DYNC1I1: variants seen among roughly 807,000 people sequenced by gnomAD.
DYNC1I1 encodes dynein cytoplasmic 1 intermediate chain 1, also known as cytoplasmic dynein 1 intermediate chain 1.
A neutral mutation model predicts 86.6 loss-of-function variants in DYNC1I1; 43 were observed. The observed-to-expected ratio is 0.50, with a 90% CI of 0.39 to 0.64. DYNC1I1 has a LOEUF of 0.64. Ranked by LOEUF, DYNC1I1 falls within the 30% of genes least tolerant of loss-of-function variation. The pLI, the probability that DYNC1I1 is intolerant of heterozygous loss-of-function variation, is 0.00. For missense variants in DYNC1I1, 604 were observed against 788.8 expected, an observed-to-expected ratio of 0.77 and a Z score of 2.81; for synonymous variants, 262 against 283.7, an observed-to-expected ratio of 0.92 and a Z score of 0.77.
intron 10 of DYNC1I1, among the ~76,000 whole-genome samples, chr7:96,027,231 T>C (rs1163665489): frequency 2.0e-5 from 3 of 152,228 alleles, no homozygotes; most frequent in African/African-American, 7.2e-5. Context: ...GCCTTCCTTA[T>C]ACATGGTAAG....
At chr7:95,841,535 G>A (rs1789282038) in intron 5 of DYNC1I1, among the ~76,000 whole-genome samples, 1 of 152,058 alleles carries the variant, frequency 6.6e-6, no homozygotes, top group African/African-American at 2.4e-5. Flanking sequence ...CGAATATTGG[G>A]CCCTATCAGC....
intron 6 of DYNC1I1, among the ~76,000 whole-genome samples, chr7:95,964,678 A>G (rs1792962461): frequency 6.6e-6 from 1 of 152,220 alleles, no homozygotes; most frequent in Non-Finnish European, 1.5e-5. Context: ...AAGGTCAGAT[A>G]GTAGTCAGTA....
chr7:95,805,965 CT>C (rs1176077362), intron 2 of DYNC1I1, among the ~76,000 whole-genome samples: 13 of 152,112 alleles, frequency 8.5e-5, no homozygotes, highest in African/African-American at 3.1e-4. Context: ...GCATTTTAGC[CT>C]TCTGGCATCT....
chr7:95,837,806 A>C (rs1370622417), intron 5 of DYNC1I1, among the ~76,000 whole-genome samples: 1 of 152,260 alleles, frequency 6.6e-6, no homozygotes, highest in Admixed American at 6.5e-5. Flanking sequence ...CCAGTGAGGC[A>C]ATGCCTCACC....
intron 1 of DYNC1I1, among the ~76,000 whole-genome samples, chr7:95,788,524 C>T (rs970896602): frequency 2.4e-4 from 37 of 152,186 alleles, no homozygotes; most frequent in African/African-American, 8.9e-4. Context: ...GGTGTGCTGG[C>T]GCCATTGAGG....
chr7:95,960,582 T>C (rs772801712), intron 6 of DYNC1I1, among the ~76,000 whole-genome samples: 9 of 152,210 alleles, frequency 5.9e-5, no homozygotes, highest in Non-Finnish European at 8.8e-5. Context: ...CAAACTTGAT[T>C]TGTCTACTTC....
intron 6 of DYNC1I1, among the ~76,000 whole-genome samples, chr7:95,956,348 A>G (rs1792709650): frequency 6.6e-6 from 1 of 151,404 alleles, no homozygotes; most frequent in African/African-American, 2.4e-5. Flanking sequence ...GACTTACACA[A>G]CAGGTGCTCA....
intron 5 of DYNC1I1, among the ~76,000 whole-genome samples, chr7:95,839,403 T>G (rs1396659698): frequency 6.6e-6 from 1 of 152,214 alleles, no homozygotes; most frequent in Non-Finnish European, 1.5e-5. Context: ...TACATAAAAT[T>G]TATTATAGTG....
At chr7:95,830,362 C>A (rs537058000) in intron 5 of DYNC1I1, among the ~76,000 whole-genome samples, 1 of 152,242 alleles carries the variant, frequency 6.6e-6, no homozygotes, top group South Asian at 2.1e-4. Context: ...TATCTACACT[C>A]TTGCTTCTTC....
intron 5 of DYNC1I1, among the ~76,000 whole-genome samples, chr7:95,858,331 G>A (rs1254251275): frequency 6.6e-6 from 1 of 152,124 alleles, no homozygotes; most frequent in Non-Finnish European, 1.5e-5. Flanking sequence ...ATTAAGTCAA[G>A]CACAAGAGAA....
chr7:95,798,654 T>C (rs1330859915), intron 1 of DYNC1I1, among the ~76,000 whole-genome samples: 1 of 152,172 alleles, frequency 6.6e-6, no homozygotes, highest in African/African-American at 2.4e-5. Context: ...TAAAAATACA[T>C]TTGCATATGC....
intron 5 of DYNC1I1, among the ~76,000 whole-genome samples, chr7:95,839,730 A>G (rs903332229): frequency 2.6e-5 from 4 of 152,094 alleles, no homozygotes; most frequent in African/African-American, 9.7e-5. Flanking sequence ...AACTTTCTTT[A>G]GCATTTTTTT....
chr7:95,856,405 TC>T (rs1789725027), intron 5 of DYNC1I1, among the ~76,000 whole-genome samples: 1 of 152,246 alleles, frequency 6.6e-6, no homozygotes, highest in African/African-American at 2.4e-5. Context: ...CAGAAATATG[TC>T]GATGGCCGTT....
chr7:95,913,074 TC>T (rs1791379966), intron 6 of DYNC1I1, among the ~76,000 whole-genome samples: 1 of 152,234 alleles, frequency 6.6e-6, no homozygotes, highest in Non-Finnish European at 1.5e-5. Context: ...TGTAGACTTT[TC>T]CTTTGGCTTG....
At chr7:95,843,572 A>T (rs1391665850) in intron 5 of DYNC1I1, among the ~76,000 whole-genome samples, 2 of 152,156 alleles carry the variant, frequency 1.3e-5, no homozygotes, top group Non-Finnish European at 2.9e-5. Context: ...TTTCTGGGTA[A>T]ATTTGGTCTC....
chr7:95,833,487 T>G (rs1163018782), intron 5 of DYNC1I1, among the ~76,000 whole-genome samples: 1 of 141,072 alleles, frequency 7.1e-6, no homozygotes, highest in African/African-American at 2.6e-5. Flanking sequence ...TTTAAAGTAG[T>G]TTTTTCCAAT....
At chr7:95,997,794 T>C (rs1793907753) in intron 10 of DYNC1I1, among the ~76,000 whole-genome samples, 1 of 152,162 alleles carries the variant, frequency 6.6e-6, no homozygotes, top group Non-Finnish European at 1.5e-5. Flanking sequence ...TACCAAAAGA[T>C]GCTGAGTAAA....
rs914817392 is a variant in DYNC1I1 at position 95,926,588 on chromosome 7, G to A, written c.491-50924G>A. 9.9e-5 allele frequency among the ~76,000 whole-genome samples: 15 copies of A among 152,228 alleles called. No homozygotes were observed. In the East Asian group the frequency reaches 2.7e-3, roughly 27 times the overall value. The stretch of plus-strand genomic sequence containing the variant: ...TATTTTTTCCCTTTGAGAAGGTACA[G>A]TAACTTTGGCTTCATGGACAGTTTT... On this transcript the variant is annotated intron_variant, in intron 6 of 16. Transcript: ENST00000447467.
intron 4 of DYNC1I1, among the ~76,000 whole-genome samples, chr7:95,815,002 G>A (rs1415677413): frequency 6.6e-6 from 1 of 151,842 alleles, no homozygotes. Flanking sequence ...GGGGTCCATT[G>A]GCCTATCATT....
Sources: allele counts gnomAD v4.1 joint callset (sites outside exome capture counted in the v4.1 genomes callset), GRCh38; gene constraint gnomAD v4.1.1; transcripts MANE v1.5; gene names NCBI Gene and HGNC (gene_info 2026-07-23, HGNC 2026-07-21).